Variants in ARL15 observed in about 807,000 individuals in gnomAD.
ARL15 encodes ADP-ribosylation factor-like protein 15.
ARL15 carries 19 observed loss-of-function variants against 25.2 expected under a neutral mutation model. The ratio of observed to expected loss-of-function variants is 0.75; its 90% CI spans 0.53 to 1.10. The LOEUF is 1.10. Among genes scored for constraint, ARL15 ranks in the 50% least tolerant of loss-of-function variants. The pLI is 0.00. For synonymous variants in ARL15, 94 were observed against 86.8 expected, an observed-to-expected ratio of 1.08 and a Z score of -0.46; for missense variants, 220 against 246.0, an observed-to-expected ratio of 0.89 and a Z score of 0.71.
chr5:54,284,685 C>G (rs756697449), intron 1 of ARL15, among the ~76,000 whole-genome samples: 7 of 152,006 alleles, frequency 4.6e-5, no homozygotes, highest in Non-Finnish European at 7.4e-5. Context: ...CCCTGAAAAC[C>G]CTCAATTTAT....
chr5:54,057,947 A>T (rs1750928943), intron 4 of ARL15, among the ~76,000 whole-genome samples: 1 of 152,088 alleles, frequency 6.6e-6, no homozygotes, highest in Non-Finnish European at 1.5e-5. Context: ...TGAAGAATAC[A>T]CAGTGGTATT....
chr5:54,233,659 T>A (rs1448535008), intron 1 of ARL15, among the ~76,000 whole-genome samples: 1 of 152,262 alleles, frequency 6.6e-6, no homozygotes, highest in South Asian at 2.1e-4. Context: ...TTCACTGATA[T>A]GGTTTCAGGT....
At chr5:54,036,075 A>G (rs1044721897) in intron 4 of ARL15, among the ~76,000 whole-genome samples, 1 of 151,954 alleles carries the variant, frequency 6.6e-6, no homozygotes, top group African/African-American at 2.4e-5. Flanking sequence ...ACTTGAGCCC[A>G]GGGGTTCAAA....
intron 4 of ARL15, among the ~76,000 whole-genome samples, chr5:53,996,825 G>C (rs1748691945): frequency 6.6e-6 from 1 of 152,080 alleles, no homozygotes; most frequent in Non-Finnish European, 1.5e-5. Context: ...AGAGAATAAT[G>C]GTAGGCTAAC....
chr5:53,890,905 C>T (rs1368411964), intron 4 of ARL15, among the ~76,000 whole-genome samples: 1 of 152,154 alleles, frequency 6.6e-6, no homozygotes, highest in African/African-American at 2.4e-5. Context: ...TAGGAGATGT[C>T]CTTTATGTTT....
At chr5:54,069,333 G>A (rs1466670939) in intron 4 of ARL15, among the ~76,000 whole-genome samples, 1 of 152,100 alleles carries the variant, frequency 6.6e-6, no homozygotes, top group East Asian at 1.9e-4. Flanking sequence ...CACTTTGGCA[G>A]GCCAAGGAGG....
chr5:53,972,378 A>C (rs1413487449), intron 4 of ARL15, among the ~76,000 whole-genome samples: 1 of 152,178 alleles, frequency 6.6e-6, no homozygotes, highest in Admixed American at 6.5e-5. Flanking sequence ...CCCCAGTAGC[A>C]CAGTATATTA....
chr5:54,125,002 C>T (rs914318621), intron 3 of ARL15, among the ~76,000 whole-genome samples: 1 of 152,026 alleles, frequency 6.6e-6, no homozygotes, highest in African/African-American at 2.4e-5. Flanking sequence ...GATGTCACTT[C>T]CTTGAATAGG....
In ARL15 at chr5:54,194,326, G is replaced by T. The variant is rs78844634; in HGVS notation, c.49-22398C>A. Among the ~76,000 whole-genome samples the T allele has an allele frequency of 7.6e-3, 1,153 of 152,174 alleles. 26 individuals are homozygous for T. Among genetic ancestry groups the T allele is most frequent in the East Asian group, 0.075 (386 of 5,156 alleles). ...TGGAAGAACATAGGCAAGGATAAAA[G>T]ATGATTCAAGCCTAATATGCAAGGC... On this transcript the variant is annotated intron_variant, in intron 1 of 4. Coordinates refer to ENST00000504924, the MANE Select transcript of ARL15 (RefSeq NM_019087.3).
At chr5:54,183,053 A>G (rs1314021148) in intron 1 of ARL15, among the ~76,000 whole-genome samples, 3 of 134,044 alleles carry the variant, frequency 2.2e-5, no homozygotes, top group African/African-American at 8.1e-5. Context: ...TTTTGGGCTG[A>G]GACGATGGGG....
chr5:54,047,617 G>T (rs1750563110), intron 4 of ARL15, among the ~76,000 whole-genome samples: 1 of 152,172 alleles, frequency 6.6e-6, no homozygotes, highest in South Asian at 2.1e-4. Context: ...GGGAGTTGCA[G>T]ACTAAAAGAA....
chr5:54,060,290 A>G (rs1476647690), intron 4 of ARL15, among the ~76,000 whole-genome samples: 2 of 152,096 alleles, frequency 1.3e-5, no homozygotes, highest in African/African-American at 2.4e-5. Flanking sequence ...TTAGATGGGC[A>G]TGGTGGTGCA....
intron 4 of ARL15, among the ~76,000 whole-genome samples, chr5:53,975,443 G>A (rs918665224): frequency 6.6e-6 from 1 of 152,200 alleles, no homozygotes; most frequent in Non-Finnish European, 1.5e-5. Flanking sequence ...CCTCTAAGAA[G>A]TTCTCAAGGA....
chr5:53,963,695 C>T (rs1363069807), intron 4 of ARL15, among the ~76,000 whole-genome samples: 1 of 151,930 alleles, frequency 6.6e-6, no homozygotes, highest in Non-Finnish European at 1.5e-5. Context: ...GTAATCCCAG[C>T]TTCTCGGGAG....
At chr5:53,985,677 T>C (rs1399366156) in intron 4 of ARL15, among the ~76,000 whole-genome samples, 1 of 152,216 alleles carries the variant, frequency 6.6e-6, no homozygotes, top group Non-Finnish European at 1.5e-5. Context: ...TTCCATTGCA[T>C]GTGTATATAT....
chr5:53,907,685 A>G (rs113699371), intron 4 of ARL15, among the ~76,000 whole-genome samples: 3 of 150,258 alleles, frequency 2.0e-5, no homozygotes, highest in African/African-American at 7.4e-5. Flanking sequence ...TTTAGTAGAG[A>G]CGGGGTTTCA....
At chr5:54,015,189 G>A (rs1211663595) in intron 4 of ARL15, among the ~76,000 whole-genome samples, 1 of 151,772 alleles carries the variant, frequency 6.6e-6, no homozygotes, top group Non-Finnish European at 1.5e-5. Flanking sequence ...TACTCAGGAG[G>A]CTGAGGCAGG....
intron 4 of ARL15, among the ~76,000 whole-genome samples, chr5:54,023,102 C>T (rs76503453): frequency 6.6e-6 from 1 of 151,780 alleles, no homozygotes; most frequent in Non-Finnish European, 1.5e-5. Flanking sequence ...ATCTGAACAA[C>T]CGAAAGAAAC....
At position 53,980,336 on chromosome 5, in the gene ARL15, G is replaced by A. The variant is rs377589153; in HGVS notation, c.463-93623C>T. Among the ~76,000 whole-genome samples, 121 of 152,260 alleles carry A rather than the reference G, an allele frequency of 7.9e-4. 2 individuals are homozygous for A. The highest frequency in any genetic ancestry group is 2.7e-3 in the African/African-American group (113 of 41,558). ...ACCTTTTTTGATTCTTTATGATTAA[G>A]GTATTAAATTGGTGTTAGGTCTCCA... is the stretch of plus-strand genomic sequence containing the variant. On this transcript the variant is annotated intron_variant, in intron 4 of 4. Coordinates refer to ENST00000504924, the MANE Select transcript of ARL15 (RefSeq NM_019087.3).
Sources: gnomAD v4.1 joint callset for allele counts (sites outside exome capture counted in the v4.1 genomes callset) on GRCh38, gnomAD v4.1.1 for gene constraint, MANE v1.5 for transcripts, NCBI Gene and HGNC (gene_info 2026-07-23, HGNC 2026-07-21) for gene names.